Variants in CDKAL1 observed in about 807,000 individuals in gnomAD.
The protein encoded by CDKAL1 is threonylcarbamoyladenosine tRNA methylthiotransferase.
Under a neutral mutation model 68.2 loss-of-function variants are expected in CDKAL1, and 32 were observed. That is an observed-to-expected ratio of 0.47 (90% CI 0.35 to 0.63). CDKAL1 has a LOEUF of 0.63. CDKAL1 is among the 30% of genes least tolerant of loss of function. The probability of loss-of-function intolerance (pLI) is 0.00; values close to 1 mark genes in which losing one functional copy is unlikely to be tolerated. For synonymous variants in CDKAL1, 234 were observed against 244.3 expected (o/e 0.96, Z 0.39); for missense variants, 606 against 696.7 (o/e 0.87, Z 1.47).
intron 4 of CDKAL1, among the ~76,000 whole-genome samples, chr6:20,601,403 A>C (rs1438416974): frequency 6.6e-6 from 1 of 152,156 alleles, no homozygotes; most frequent in African/African-American, 2.4e-5. Flanking sequence ...ACTAGTGTTT[A>C]AGTTTTTTGT....
intron 9 of CDKAL1, among the ~76,000 whole-genome samples, chr6:20,878,478 G>A (rs1441635184): frequency 6.6e-6 from 1 of 152,190 alleles, no homozygotes. Context: ...AGTGGCTCAC[G>A]CCTGTAATCC....
At position 21,053,757 on chromosome 6, in the gene CDKAL1, C is replaced by T. The variant is rs1165731610; in HGVS notation, c.1056-11291C>T. Among the ~76,000 whole-genome samples, 5 of 151,886 alleles carry T rather than the reference C, an allele frequency of 3.3e-5. No individual in the cohort carries two copies. In the East Asian group the frequency reaches 9.6e-4, roughly 29 times the overall value. On this transcript the variant is annotated intron_variant, in intron 11 of 15. Transcript: ENST00000274695. Reference sequence around the variant, plus strand: ...AATTTTAATGTACTTATTAGCTATTCCTATATCTTCTTCAGTGAAGTGTTT... The same window carrying T: ...AATTTTAATGTACTTATTAGCTATTTCTATATCTTCTTCAGTGAAGTGTTT...
At chr6:21,188,137 A>T (rs1237172567) in intron 13 of CDKAL1, among the ~76,000 whole-genome samples, 6 of 152,150 alleles carry the variant, frequency 3.9e-5, no homozygotes, top group African/African-American at 1.4e-4. Flanking sequence ...ATAACCTATA[A>T]CATGTCATTA....
chr6:20,683,425 A>C (rs1266905628), intron 5 of CDKAL1, among the ~76,000 whole-genome samples: 1 of 152,214 alleles, frequency 6.6e-6, no homozygotes, highest in African/African-American at 2.4e-5. Context: ...TTGGTTTAAA[A>C]GTCTTGGCTT....
chr6:20,573,174 A>C (rs1012449624), intron 4 of CDKAL1, among the ~76,000 whole-genome samples: 9 of 152,092 alleles, frequency 5.9e-5, no homozygotes, highest in Admixed American at 2.0e-4. Context: ...AAAGTATCTG[A>C]GATCTGTTTT....
At chr6:20,535,267 G>C (rs1763122587) in intron 1 of CDKAL1, 84 bp from the exon 2 acceptor site, 1 of 152,446 alleles carries the variant, frequency 6.6e-6, no homozygotes, top group African/African-American at 2.4e-5. Context: ...TATGGAGTCT[G>C]ATTCCTTTTA....
intron 5 of CDKAL1, among the ~76,000 whole-genome samples, chr6:20,672,720 G>A (rs1487534617): frequency 6.6e-6 from 1 of 152,042 alleles, no homozygotes; most frequent in African/African-American, 2.4e-5. Flanking sequence ...ATTAACTTTA[G>A]TATCATCTGT....
intron 12 of CDKAL1, 140 bp downstream of exon 12, chr6:21,065,368 G>C: frequency 4.6e-6 from 3 of 650,262 alleles, no homozygotes; most frequent in Non-Finnish European, 2.6e-6. Flanking sequence ...TGGGGTCAGG[G>C]GCCAGGGGGC....
Position 20,966,706 on chromosome 6 carries a change from TA to T in CDKAL1, c.909+11127del, listed in dbSNP as rs534572199. Among the ~76,000 whole-genome samples the T allele has an allele frequency of 9.0e-4, 137 of 152,288 alleles. 2 individuals are homozygous for T. The highest frequency in any genetic ancestry group is 5.8e-3 in the Admixed American group (89 of 15,296). On this transcript the variant is annotated intron_variant, in intron 10 of 15. Coordinates refer to ENST00000274695, the MANE Select transcript of CDKAL1 (RefSeq NM_017774.3). ...TAAGTCTGTTTCTAATATATGGTCA[TA>T]AAAAAGTAGTCTTCATAGTTTAATG...
Position 20,811,062 on chromosome 6 carries a change from C to A in CDKAL1, c.638+29797C>A, listed in dbSNP as rs184747210. ...GCAGGAGACATAGCAGGTACAACGTCTTCATCTCAGGAAACCTAGCAGTTA... is the reference window on the plus strand; with the variant it reads ...GCAGGAGACATAGCAGGTACAACGTATTCATCTCAGGAAACCTAGCAGTTA... On this transcript the variant is annotated intron_variant, in intron 8 of 15. Coordinates refer to ENST00000274695, the MANE Select transcript of CDKAL1 (RefSeq NM_017774.3). Among the ~76,000 whole-genome samples the A allele has an allele frequency of 2.7e-3, 405 of 152,246 alleles. 1 individual carries two copies. The highest frequency in any genetic ancestry group is 9.1e-3 in the African/African-American group (377 of 41,546).
intron 8 of CDKAL1, among the ~76,000 whole-genome samples, chr6:20,829,834 T>C (rs1777641410): frequency 6.6e-6 from 1 of 152,244 alleles, no homozygotes; most frequent in East Asian, 1.9e-4. Context: ...TGAATTCATT[T>C]ATGCAAATGA....
intron 11 of CDKAL1, among the ~76,000 whole-genome samples, chr6:21,047,886 G>C (rs1288156293): frequency 2.0e-5 from 3 of 152,178 alleles, no homozygotes; most frequent in African/African-American, 7.2e-5. Flanking sequence ...GAAGTATTCT[G>C]ATTTCAATGA....
At chr6:21,117,576 G>A (rs542996882) in intron 13 of CDKAL1, among the ~76,000 whole-genome samples, 1 of 152,278 alleles carries the variant, frequency 6.6e-6, no homozygotes, top group African/African-American at 2.4e-5. Flanking sequence ...GCTGGTGGTT[G>A]TAGTGAGCTG....
At chr6:20,961,880 C>T (rs898126915) in intron 10 of CDKAL1, among the ~76,000 whole-genome samples, 1 of 151,634 alleles carries the variant, frequency 6.6e-6, no homozygotes, top group Admixed American at 6.6e-5. Flanking sequence ...ACATGTATAA[C>T]AAGCCTGCAC....
chr6:20,954,629 C>T (rs1373839517), intron 9 of CDKAL1, among the ~76,000 whole-genome samples: 1 of 152,102 alleles, frequency 6.6e-6, no homozygotes, highest in African/African-American at 2.4e-5. Context: ...CTCTTGCTGA[C>T]TCTGTTTTAT....
chr6:21,106,754 T>G (rs759344045), intron 12 of CDKAL1, among the ~76,000 whole-genome samples: 1 of 152,198 alleles, frequency 6.6e-6, no homozygotes, highest in African/African-American at 2.4e-5. Context: ...ATAAGGAACT[T>G]GAGCATCAGC....
intron 13 of CDKAL1, among the ~76,000 whole-genome samples, chr6:21,111,108 A>G (rs2150995220): frequency 1.3e-5 from 2 of 152,294 alleles, no homozygotes; most frequent in African/African-American, 4.8e-5. Flanking sequence ...GCATTTTTCT[A>G]TATGATTGAA....
At chr6:21,048,417 G>C (rs1267946857) in intron 11 of CDKAL1, among the ~76,000 whole-genome samples, 1 of 151,802 alleles carries the variant, frequency 6.6e-6, no homozygotes, top group Admixed American at 6.6e-5. Context: ...TATAAATCTG[G>C]GTTTTGATTT....
intron 10 of CDKAL1, among the ~76,000 whole-genome samples, chr6:20,970,668 G>A (rs567488102): frequency 1.3e-5 from 2 of 152,172 alleles, no homozygotes; most frequent in Non-Finnish European, 2.9e-5. Context: ...TCATTAGCAG[G>A]TTATTGACAG....
Sources: allele counts gnomAD v4.1 joint callset (sites outside exome capture counted in the v4.1 genomes callset), GRCh38; gene constraint gnomAD v4.1.1; transcripts MANE v1.5; gene names NCBI Gene and HGNC (gene_info 2026-07-23, HGNC 2026-07-21).